ACVR1C: variants seen among roughly 807,000 people sequenced by gnomAD.
The protein encoded by ACVR1C is activin receptor type-1C.
A neutral mutation model predicts 57.9 loss-of-function variants in ACVR1C; 23 were observed. The ratio of observed to expected loss-of-function variants is 0.40; its 90% CI spans 0.29 to 0.56. The LOEUF (loss-of-function observed/expected upper bound fraction) is 0.56. Ranked by LOEUF, ACVR1C falls within the 20% of genes least tolerant of loss-of-function variation. The pLI is 0.50. For synonymous variants in ACVR1C, 214 were observed against 215.3 expected, an observed-to-expected ratio of 0.99 and a Z score of 0.05; for missense variants, 480 against 607.9, an observed-to-expected ratio of 0.79 and a Z score of 2.21.
In ACVR1C at chr2:157,541,196, C is replaced by G. The variant is rs1378374722; in HGVS notation, c.1119G>C (p.Met373Ile). The change falls in exon 7 of 9, where the codon ATG (methionine) becomes ATC (isoleucine). Residue 373 changes from methionine to isoleucine, a missense_variant. Transcript: ENST00000243349. ...TATTCACATTCATTGTATCATCAAG[C>G]ATTTCAGGAGCCATATACCTTCAAA... ...VGTKRYMAPE[M>I]LDDTMNVNIF... is the part of the protein sequence containing the mutation. 6 of 1,613,766 alleles carry G rather than the reference C, an allele frequency of 3.7e-6. 1 individual carries two copies. The South Asian group carries it at 6.6e-5, about 18-fold the overall frequency.
intron 1 of ACVR1C, among the ~76,000 whole-genome samples, chr2:157,592,660 T>C (rs1689073722): frequency 6.6e-6 from 1 of 152,132 alleles, no homozygotes; most frequent in African/African-American, 2.4e-5. Context: ...CAGTCCACTA[T>C]ATCACTGCAT....
At chr2:157,623,722 A>C (rs1011964086) in intron 1 of ACVR1C, among the ~76,000 whole-genome samples, 3 of 152,164 alleles carry the variant, frequency 2.0e-5, no homozygotes, top group Non-Finnish European at 1.5e-5. Flanking sequence ...TAATAATTAC[A>C]TATTTTAAAA....
At position 157,554,260 on chromosome 2, in the gene ACVR1C, A is replaced by G. The variant is rs557381411; in HGVS notation, c.544+1833T>C. On this transcript the variant is annotated intron_variant, in intron 3 of 8. Coordinates refer to ENST00000243349, the MANE Select transcript of ACVR1C (RefSeq NM_145259.3). ...GAAAGAAAGAAAGAAAGAAAGAAAG[A>G]AAGAAAGAAAGGAAGGAAGGAAGAG... is the stretch of plus-strand genomic sequence containing the variant. Among the ~76,000 whole-genome samples the G allele has an allele frequency of 3.9e-4, 51 of 131,392 alleles. 2 individuals carry two copies. Among genetic ancestry groups the G allele is most frequent in the African/African-American group, 1.7e-3 (47 of 28,200 alleles). The allele number at this position is 131,392 out of a possible 152,430, so 86.2% of individuals were successfully genotyped here. A position where few individuals can be genotyped will look rare whatever the true frequency, so the allele number is the denominator to read the frequency against.
At chr2:157,608,612 T>C (rs1682461153) in intron 1 of ACVR1C, among the ~76,000 whole-genome samples, 1 of 151,860 alleles carries the variant, frequency 6.6e-6, no homozygotes, top group Non-Finnish European at 1.5e-5. Flanking sequence ...CGTCTAGTCC[T>C]GAGCTTTTAC....
At chr2:157,611,325 G>A (rs940066491) in intron 1 of ACVR1C, among the ~76,000 whole-genome samples, 2 of 152,190 alleles carry the variant, frequency 1.3e-5, no homozygotes, top group East Asian at 3.9e-4. Context: ...TCCTCAGTGA[G>A]TTAGAGTATG....
At chr2:157,555,085 C>A (rs1688064398) in intron 3 of ACVR1C, among the ~76,000 whole-genome samples, 1 of 149,026 alleles carries the variant, frequency 6.7e-6, no homozygotes, top group South Asian at 2.1e-4. Flanking sequence ...TATAATACAG[C>A]CTGGTACTTT....
At chr2:157,592,173 C>A (rs184168183) in intron 1 of ACVR1C, among the ~76,000 whole-genome samples, 6 of 152,104 alleles carry the variant, frequency 3.9e-5, no homozygotes. Context: ...ATATCATGTG[C>A]CTTGCATCTA....
chr2:157,608,303 G>A (rs950428711), intron 1 of ACVR1C, among the ~76,000 whole-genome samples: 1 of 151,832 alleles, frequency 6.6e-6, no homozygotes, highest in Non-Finnish European at 1.5e-5. Context: ...ATTTGTATAT[G>A]TTGAACCATA....
At chr2:157,600,226 C>G (rs1052490153) in intron 1 of ACVR1C, among the ~76,000 whole-genome samples, 25 of 152,152 alleles carry the variant, frequency 1.6e-4, no homozygotes, top group Admixed American at 8.5e-4. Flanking sequence ...TCACTGAAAT[C>G]TAGTTTTGTG....
chr2:157,537,674 A>G (rs1360374049), intron 8 of ACVR1C, among the ~76,000 whole-genome samples: 1 of 152,198 alleles, frequency 6.6e-6, no homozygotes, highest in Non-Finnish European at 1.5e-5. Flanking sequence ...GATCTCATTC[A>G]TTACATTAAA....
At chr2:157,627,384 G>A (rs528588868) in intron 1 of ACVR1C, among the ~76,000 whole-genome samples, 1 of 152,192 alleles carries the variant, frequency 6.6e-6, no homozygotes, top group South Asian at 2.1e-4. Flanking sequence ...GTCTTGGGCT[G>A]TTTTCCTAAA....
intron 1 of ACVR1C, among the ~76,000 whole-genome samples, chr2:157,608,744 T>C (rs1682463929): frequency 6.6e-6 from 1 of 151,960 alleles, no homozygotes; most frequent in Non-Finnish European, 1.5e-5. Context: ...TTCCTCTATG[T>C]TTTTCAGTTT....
chr2:157,575,128 G>GT (rs1426558377), intron 2 of ACVR1C, among the ~76,000 whole-genome samples: 1 of 144,898 alleles, frequency 6.9e-6, no homozygotes, highest in African/African-American at 2.6e-5. Flanking sequence ...TACCCGGCAA[G>GT]TTCTTTTTTT....
In ACVR1C at chr2:157,609,838, T is replaced by C. The variant is rs144778720; in HGVS notation, c.73+18734A>G. 1.1e-4 allele frequency among the ~76,000 whole-genome samples: 16 copies of C among 152,188 alleles called. No individual in the cohort carries two copies. The East Asian group carries it at 1.2e-3, about 11-fold the overall frequency. ...TTTTTTCATCCCTTTACTTTCAGTG[T>C]ATATGGGTCTTTACTGGTAAACTGC... On this transcript the variant is annotated intron_variant, in intron 1 of 8. Coordinates refer to ENST00000243349, the MANE Select transcript of ACVR1C (RefSeq NM_145259.3).
chr2:157,592,849 GGTT>G (rs906612334), intron 1 of ACVR1C, among the ~76,000 whole-genome samples: 1 of 152,062 alleles, frequency 6.6e-6, no homozygotes, highest in Non-Finnish European at 1.5e-5. Flanking sequence ...GAACAAATCT[GGTT>G]GTTAGTAGGC....
chr2:157,537,391 TTAA>T (rs1344612550), intron 8 of ACVR1C, among the ~76,000 whole-genome samples: 6 of 151,992 alleles, frequency 3.9e-5, no homozygotes, highest in South Asian at 4.1e-4. Context: ...ACATAAATTA[TTAA>T]TATTAGAAAA....
In ACVR1C at chr2:157,546,441, TTAA is replaced by T. The variant is rs1198655166; in HGVS notation, c.776-1832_776-1830del. ...GCTAAGCCTCTCTTTTTCCATCCAA[TTAA>T]TAATGAGTACTTTTATGATTAAGTT... is the stretch of plus-strand genomic sequence containing the variant. On this transcript the variant is annotated intron_variant, in intron 4 of 8. Transcript: ENST00000243349. Among the ~76,000 whole-genome samples the T allele has an allele frequency of 3.9e-5, 6 of 152,344 alleles. No individual in the cohort carries two copies. In the South Asian group the frequency reaches 1.0e-3, roughly 26 times the overall value.
chr2:157,587,065 A>G (rs956312692), intron 2 of ACVR1C, 122 bp downstream of exon 2: 3 of 946,900 alleles, frequency 3.2e-6, no homozygotes, highest in Admixed American at 3.0e-5. Context: ...GCCAAAATCA[A>G]AAAGAGAACT....
chr2:157,542,580 G>T, intron 6 of ACVR1C, 126 bp downstream of exon 6: 1 of 1,123,574 alleles, frequency 8.9e-7, no homozygotes, highest in Non-Finnish European at 1.3e-6. Context: ...ACCCAGAGAA[G>T]ACTTCTGGAT....
Sources: gnomAD v4.1 joint callset for allele counts (sites outside exome capture counted in the v4.1 genomes callset) on GRCh38, gnomAD v4.1.1 for gene constraint, MANE v1.5 for transcripts, NCBI Gene and HGNC (gene_info 2026-07-23, HGNC 2026-07-21) for gene names.